Variants in TBC1D31 observed in about 807,000 individuals in gnomAD.
The protein encoded by TBC1D31 is WD repeat domain 67.
A neutral mutation model predicts 132.9 loss-of-function variants in TBC1D31; 99 were observed. The observed-to-expected ratio is 0.74, with a 90% CI of 0.63 to 0.88. The LOEUF is 0.88. TBC1D31 is among the 40% of genes least tolerant of loss of function. The pLI is 0.00. For missense variants in TBC1D31, 1,134 were observed against 1,256.6 expected, an observed-to-expected ratio of 0.90 and a Z score of 1.48; for synonymous variants, 385 against 419.4, an observed-to-expected ratio of 0.92 and a Z score of 1.00.
chr8:123,152,543 A>G (rs1294108137), downstream of TBC1D31, among the ~76,000 whole-genome samples: 4 of 152,062 alleles, frequency 2.6e-5, no homozygotes, highest in East Asian at 1.9e-4. Context: ...TACTCTCTAA[A>G]AGGAGGGTAG....
chr8:123,092,220 G>A (rs529356133), intron 4 of TBC1D31, among the ~76,000 whole-genome samples: 1 of 152,134 alleles, frequency 6.6e-6, no homozygotes, highest in South Asian at 2.1e-4. Flanking sequence ...TCACCATGTT[G>A]GCCAGACTGG....
rs16898027 is a variant in TBC1D31 at position 123,130,073 on chromosome 8, A to G, written c.2271-125A>G. The G allele has an allele frequency of 1.9e-3, 1,874 of 1,000,364 alleles. 24 individuals are homozygous for G. In the African/African-American group the frequency reaches 0.029, roughly 15 times the overall value. 62.0% of individuals were successfully genotyped at this position (1,000,364 alleles called of 1,614,324 possible). ...TTGGTAACGGTGGAGCAGTTCTCGC[A>G]TTCTTCTTTCAAATAAAGGATATCA... On this transcript the variant is annotated intron_variant, in intron 15 of 21. Coordinates refer to ENST00000287380, the MANE Select transcript of TBC1D31 (RefSeq NM_145647.4).
the TBC1D31 span, among the ~76,000 whole-genome samples, chr8:123,158,306 C>A: frequency 6.6e-6 from 1 of 152,134 alleles, no homozygotes; most frequent in South Asian, 2.1e-4. Flanking sequence ...TGTCTAAAAT[C>A]AGCCAGACAG....
At chr8:123,144,494 C>T (rs1821994879) in intron 19 of TBC1D31, among the ~76,000 whole-genome samples, 1 of 152,146 alleles carries the variant, frequency 6.6e-6, no homozygotes, top group Non-Finnish European at 1.5e-5. Context: ...CTTTGTGGCA[C>T]TCTGCAATAC....
At chr8:123,075,204 G>A (rs1814374230) in intron 1 of TBC1D31, among the ~76,000 whole-genome samples, 1 of 152,082 alleles carries the variant, frequency 6.6e-6, no homozygotes, top group South Asian at 2.1e-4. Flanking sequence ...TTTTGATATT[G>A]CTTGTCATTT....
chr8:123,102,280 G>A (rs1425440192), intron 7 of TBC1D31: 4 of 456,434 alleles, frequency 8.8e-6, no homozygotes, highest in African/African-American at 2.0e-5. Flanking sequence ...ATCACACAGC[G>A]AGTAACTAGC....
chr8:123,098,683 G>A (rs770199079), intron 6 of TBC1D31, among the ~76,000 whole-genome samples: 20 of 152,190 alleles, frequency 1.3e-4, no homozygotes, highest in Non-Finnish European at 2.5e-4. Flanking sequence ...TTTTAAACCA[G>A]TCTCCTATTG....
chr8:123,144,480 T>C (rs1339374128), intron 19 of TBC1D31, among the ~76,000 whole-genome samples: 1 of 152,250 alleles, frequency 6.6e-6, no homozygotes, highest in East Asian at 1.9e-4. Flanking sequence ...GATATAGTTG[T>C]GTGCTTTGTG....
chr8:123,120,925 ATCT>A (rs1819414223), intron 11 of TBC1D31, among the ~76,000 whole-genome samples: 1 of 149,824 alleles, frequency 6.7e-6, no homozygotes, highest in African/African-American at 2.5e-5. Flanking sequence ...TACTAGTTTA[ATCT>A]TCTTGGATAT....
chr8:123,072,877 TGGAGG>T (rs1170322751), intron 1 of TBC1D31, 31 bp downstream of exon 1: 5 of 1,545,598 alleles, frequency 3.2e-6, no homozygotes, highest in Non-Finnish European at 4.4e-6. Context: ...GCGCGGGCTG[TGGAGG>T]GGATGGAGAC....
At chr8:123,151,315 C>T (rs1254128106) in intron 21 of TBC1D31, among the ~76,000 whole-genome samples, 3 of 152,158 alleles carry the variant, frequency 2.0e-5, no homozygotes, top group East Asian at 1.9e-4. Flanking sequence ...AAATCAGTAA[C>T]GCTCTTACAC....
rs1202082000 is a variant in TBC1D31, at chr8:123,144,998, A to C, written c.2974+143A>C. 8.1e-6 allele frequency: 6 copies of C among 736,390 alleles called. No individual in the cohort carries two copies. In the East Asian group the frequency reaches 1.2e-4, roughly 14 times the overall value. The allele number at this position is 736,390 out of a possible 1,614,324, so 45.6% of individuals were successfully genotyped here. A position where few individuals can be genotyped will look rare whatever the true frequency, so the allele number is the denominator to read the frequency against. On this transcript the variant is annotated intron_variant, in intron 20 of 21. Transcript: ENST00000287380. Reference sequence around the variant, plus strand: ...GAGTGTAGTGATGCAATCATGGCTCAGTGCAGCCTCGACCTCCTGAGCTCA... The same window carrying C: ...GAGTGTAGTGATGCAATCATGGCTCCGTGCAGCCTCGACCTCCTGAGCTCA...
At chr8:123,111,409 T>A (rs1234541613) in intron 10 of TBC1D31, among the ~76,000 whole-genome samples, 4 of 152,136 alleles carry the variant, frequency 2.6e-5, no homozygotes, top group South Asian at 2.1e-4. Flanking sequence ...TCTTTTTTTT[T>A]AAACAGTTTT....
intron 18 of TBC1D31, 79 bp from the exon 19 acceptor site, chr8:123,142,182 TG>T: frequency 9.4e-7 from 1 of 1,067,672 alleles, no homozygotes; most frequent in Non-Finnish European, 1.3e-6. Context: ...CCCAGACACT[TG>T]GATACATTGA....
chr8:123,086,013 G>C (rs1000555096), intron 4 of TBC1D31, among the ~76,000 whole-genome samples: 1 of 152,172 alleles, frequency 6.6e-6, no homozygotes, highest in African/African-American at 2.4e-5. Flanking sequence ...CCTTACCAGG[G>C]CTGGTGAGAA....
chr8:123,087,089 A>G (rs1487482380), intron 4 of TBC1D31, among the ~76,000 whole-genome samples: 2 of 152,216 alleles, frequency 1.3e-5, no homozygotes, highest in South Asian at 2.1e-4. Flanking sequence ...AGATGGAATT[A>G]TAGGTCTTTC....
intron 8 of TBC1D31, among the ~76,000 whole-genome samples, chr8:123,108,993 C>G (rs1490062368): frequency 1.3e-5 from 2 of 152,200 alleles, no homozygotes; most frequent in African/African-American, 4.8e-5. Flanking sequence ...CCAGGTCCAT[C>G]CTTCAACACG....
chr8:123,162,173 C>T, the TBC1D31 span, among the ~76,000 whole-genome samples: 1 of 151,886 alleles, frequency 6.6e-6, no homozygotes. Context: ...CATTCTACTT[C>T]CCCCCACAGA....
chr8:123,099,059 G>A (rs993590210), intron 6 of TBC1D31, among the ~76,000 whole-genome samples: 5 of 152,208 alleles, frequency 3.3e-5, no homozygotes, highest in African/African-American at 7.2e-5. Flanking sequence ...ACTTAGACAA[G>A]GCAGCATGGG....
Sources: allele counts gnomAD v4.1 joint callset (sites outside exome capture counted in the v4.1 genomes callset), GRCh38; gene constraint gnomAD v4.1.1; transcripts MANE v1.5; gene names NCBI Gene and HGNC (gene_info 2026-07-23, HGNC 2026-07-21).